The following SPINK7 variants were observed in gnomAD, a reference collection of about 807,000 sequenced individuals.
SPINK7 encodes serine protease inhibitor Kazal-type 7.
In SPINK7, 8 loss-of-function variants were observed where a neutral mutation model predicts 11.6. That is an observed-to-expected ratio of 0.69 (90% CI 0.41 to 1.25). The LOEUF is 1.25. Ranked by LOEUF, SPINK7 falls within the 50% of genes most tolerant of loss-of-function variation. The pLI is 0.01. For synonymous variants in SPINK7, 38 were observed against 35.3 expected (o/e 1.08, Z -0.27); for missense variants, 113 against 99.3 (o/e 1.14, Z -0.58).
At chr5:148,314,898 G>A (rs986424671) in intron 3 of SPINK7, among the ~76,000 whole-genome samples, 4 of 152,064 alleles carry the variant, frequency 2.6e-5, no homozygotes, top group African/African-American at 7.2e-5. Flanking sequence ...AGAATACCAC[G>A]GACATGTTTT....
chr5:148,315,603 G>A, intron 3 of SPINK7, 36 bp from the exon 4 acceptor site: 1 of 1,415,500 alleles, frequency 7.1e-7, no homozygotes, highest in Admixed American at 1.7e-5. Context: ...ATTTCCTCTT[G>A]TGCTAATGAA....
Position 148,315,741 on chromosome 5 carries a change from C to A in SPINK7, c.*57C>A. 9.3e-7 allele frequency: 1 copy of A among 1,073,846 alleles called. No homozygotes were observed. Among genetic ancestry groups the A allele is most frequent in the Non-Finnish European group, 1.4e-6 (1 of 694,160 alleles). The allele number at this position is 1,073,846 out of a possible 1,614,324, so 66.5% of individuals were successfully genotyped here. The stretch of plus-strand genomic sequence containing the variant: ...TATTCTCATCATCATCTTCATCATC[C>A]CAGGCTCTGACTGAGTTTCTTTCAG... On this transcript the variant is annotated 3_prime_UTR_variant, in exon 4 of 4. Coordinates refer to ENST00000274565, the MANE Select transcript of SPINK7 (RefSeq NM_032566.3).
rs1756897885 is a variant in SPINK7 at position 148,314,132 on chromosome 5, G to C, written c.120G>C (p.Val40=). The C allele has an allele frequency of 2.5e-6, 4 of 1,613,760 alleles. No individual in the cohort carries two copies. The highest frequency in any genetic ancestry group is 3.4e-6 in the Non-Finnish European group (4 of 1,179,788). Residue 40 remains valine, a synonymous_variant, in exon 3 of 4, where the codon GTG becomes GTC. Coordinates refer to ENST00000274565, the MANE Select transcript of SPINK7 (RefSeq NM_032566.3). ...VDCSIYKKYP[V]VAIPCPITYL... is the part of the protein sequence containing the mutation. ...GCAGCATTTACAAGAAGTATCCAGTGGTGGCCATCCCCTGCCCCATCACAT... is the reference window on the plus strand; with the variant it reads ...GCAGCATTTACAAGAAGTATCCAGTCGTGGCCATCCCCTGCCCCATCACAT...
At chr5:148,314,695 CCTGA>C (rs1395144819) in intron 3 of SPINK7, among the ~76,000 whole-genome samples, 1 of 152,024 alleles carries the variant, frequency 6.6e-6, no homozygotes, top group Non-Finnish European at 1.5e-5. Context: ...TACTACACTA[CCTGA>C]CTTAGATTCT....
At chr5:148,313,725 C>T (rs1171229396) in intron 2 of SPINK7, 1 of 406,646 alleles carries the variant, frequency 2.5e-6, no homozygotes, top group Non-Finnish European at 4.4e-6. Context: ...AGATTCAAAT[C>T]CTAACTCTAC....
At position 148,314,154 on chromosome 5, in the gene SPINK7, A is replaced by T. The variant is rs781123332; in HGVS notation, c.142A>T (p.Thr48Ser). 6.2e-7 allele frequency: 1 copy of T among 1,613,856 alleles called. No individual in the cohort carries two copies. The highest frequency in any genetic ancestry group is 1.1e-5 in the South Asian group (1 of 91,080). The change falls in exon 3 of 4, where the codon ACA (threonine) becomes TCA (serine). Residue 48 changes from threonine (T) to serine (S), a missense_variant. Thr to Ser is a moderately conservative substitution (Grantham distance 58). Coordinates refer to ENST00000274565, the MANE Select transcript of SPINK7 (RefSeq NM_032566.3). Reference sequence around the variant, plus strand: ...AGTGGTGGCCATCCCCTGCCCCATCACATACCTACCAGTTTGTGGTTCTGA... The same window carrying T: ...AGTGGTGGCCATCCCCTGCCCCATCTCATACCTACCAGTTTGTGGTTCTGA... ...YPVVAIPCPI[T>S]YLPVCGSDYI...
chr5:148,314,164 C>T lies in SPINK7; in HGVS notation c.152C>T (p.Pro51Leu). The T allele has an allele frequency of 6.2e-7, 1 of 1,613,548 alleles. No individual in the cohort carries two copies. The highest frequency in any genetic ancestry group is 8.5e-7 in the Non-Finnish European group (1 of 1,179,582). The change falls in exon 3 of 4, where the codon CCA (proline) becomes CTA (leucine). Residue 51 changes from proline to leucine, a missense_variant. Physicochemically the swap from Pro to Leu is moderately conservative, Grantham distance 98. Coordinates refer to ENST00000274565, the MANE Select transcript of SPINK7 (RefSeq NM_032566.3). The part of the protein sequence containing the change: ...VAIPCPITYL[P>L]VCGSDYITYG... ...ATCCCCTGCCCCATCACATACCTAC[C>T]AGTTTGTGGTTCTGACTACATCACC...
chr5:148,314,317 A>C, intron 3 of SPINK7, 93 bp downstream of exon 3: 1 of 1,400,610 alleles, frequency 7.1e-7, no homozygotes, highest in South Asian at 1.3e-5. Context: ...AATCTCTATA[A>C]GCTGTAATTT....
chr5:148,315,644 G>A lies in SPINK7; in HGVS notation c.218G>A (p.Ser73Asn). 1 of 1,598,444 alleles carries A rather than the reference G, an allele frequency of 6.3e-7. No homozygotes were observed. Among genetic ancestry groups the A allele is most frequent in the Non-Finnish European group, 8.6e-7 (1 of 1,166,280 alleles). The change falls in exon 4 of 4, where the codon AGT becomes AAT. Residue 73 changes from serine to asparagine, a missense_variant. Transcript: ENST00000274565. ...TGAACTGTGTCTTCCCTTAGGAAAA[G>A]TAATGGAAGAGTTCAGTTTCTTCAC... ...ECHLCTESLK[S>N]NGRVQFLHDG...
At chr5:148,314,679 G>A (rs899106509) in intron 3 of SPINK7, among the ~76,000 whole-genome samples, 3 of 151,840 alleles carry the variant, frequency 2.0e-5, no homozygotes, top group East Asian at 1.9e-4. Context: ...TAAAATAATT[G>A]AAAACTACTA....
Position 148,313,414 on chromosome 5 carries a change from T to C in SPINK7, c.87+15T>C. The C allele has an allele frequency of 6.4e-7, 1 of 1,574,604 alleles. No individual in the cohort carries two copies. The highest frequency in any genetic ancestry group is 1.1e-5 in the South Asian group (1 of 89,162). ...CTCCAAAAAAAGTAAGTATGTTGAA[T>C]AACATTTTAATGTCAATAACTATTG... On this transcript the variant is annotated intron_variant, in intron 2 of 3. Coordinates refer to ENST00000274565, the MANE Select transcript of SPINK7 (RefSeq NM_032566.3).
chr5:148,315,542 GGT>G (rs1561761572), intron 3 of SPINK7, 95 bp from the exon 4 acceptor site: 1 of 646,970 alleles, frequency 1.5e-6, no homozygotes, highest in East Asian at 2.6e-5. Context: ...TGTAAAATGA[GGT>G]GCTGCCTCAT....
chr5:148,315,517 C>A, intron 3 of SPINK7, 122 bp from the exon 4 acceptor site: 1 of 566,030 alleles, frequency 1.8e-6, no homozygotes, highest in Non-Finnish European at 3.2e-6. Flanking sequence ...TTTTCTGAGA[C>A]TCAGTTTCCT....
chr5:148,313,492 A>G, intron 2 of SPINK7, 93 bp downstream of exon 2: 1 of 867,108 alleles, frequency 1.2e-6, no homozygotes, highest in Non-Finnish European at 1.8e-6. Context: ...GGGGGATTCG[A>G]GAGGGAGGCA....
At position 148,314,236 on chromosome 5, in the gene SPINK7, A is replaced by C. The variant is rs374858460; in HGVS notation, c.212+12A>C. On this transcript the variant is annotated intron_variant, in intron 3 of 3. Transcript: ENST00000274565. ...TGTACCGAGAGCTTGTGAGTACCTC[A>C]TAAGAAGAAAATGAGATCTGGAGTC... 1.2e-6 allele frequency: 2 copies of C among 1,613,354 alleles called. No homozygotes were observed. The highest frequency in any genetic ancestry group is 1.3e-5 in the African/African-American group (1 of 74,866).
rs1231313178 is a variant in SPINK7 at position 148,314,123 on chromosome 5, G to A, written c.111G>A (p.Lys37=). 3.1e-6 allele frequency: 5 copies of A among 1,613,798 alleles called. No individual in the cohort carries two copies. The highest frequency in any genetic ancestry group is 2.2e-5 in the South Asian group (2 of 91,056). ...AGGTGGACTGCAGCATTTACAAGAAGTATCCAGTGGTGGCCATCCCCTGCC... is the reference window on the plus strand; with the variant it reads ...AGGTGGACTGCAGCATTTACAAGAAATATCCAGTGGTGGCCATCCCCTGCC... ...PKKVDCSIYK[K]YPVVAIPCPI... Residue 37 remains lysine (K), a synonymous_variant, in exon 3 of 4, where the codon AAG becomes AAA. Coordinates refer to ENST00000274565, the MANE Select transcript of SPINK7 (RefSeq NM_032566.3).
rs1032398855 is a variant in SPINK7 at position 148,313,856 on chromosome 5, C to T, written c.88-244C>T. The T allele has an allele frequency of 9.7e-6, 5 of 517,872 alleles. No individual in the cohort carries two copies. The Admixed American group carries it at 1.1e-4, about 11-fold the overall frequency. 32.1% of individuals were successfully genotyped at this position (517,872 alleles called of 1,614,324 possible). A position where few individuals can be genotyped will look rare whatever the true frequency, so the allele number is the denominator to read the frequency against. ...GTTCTGAAGATTAAACAAGAAAATT[C>T]ATGCAAGATTTAAGTTTAACGCCTA... On this transcript the variant is annotated intron_variant, in intron 2 of 3. Coordinates refer to ENST00000274565, the MANE Select transcript of SPINK7 (RefSeq NM_032566.3).
At chr5:148,315,422 G>C (rs183464078) in intron 3 of SPINK7, among the ~76,000 whole-genome samples, 1 of 152,234 alleles carries the variant, frequency 6.6e-6, no homozygotes, top group African/African-American at 2.4e-5. Flanking sequence ...GGAATCAGAG[G>C]AGGCAGCAGA....
Position 148,314,160 on chromosome 5 carries a change from C to T in SPINK7, c.148C>T (p.Leu50=). 6.2e-7 allele frequency: 1 copy of T among 1,613,608 alleles called. No homozygotes were observed. Among genetic ancestry groups the T allele is most frequent in the Non-Finnish European group, 8.5e-7 (1 of 1,179,616 alleles). Residue 50 remains leucine, a synonymous_variant, in exon 3 of 4, where the codon CTA becomes TTA. Transcript: ENST00000274565. ...VVAIPCPITY[L]PVCGSDYITY... ...GGCCATCCCCTGCCCCATCACATAC[C>T]TACCAGTTTGTGGTTCTGACTACAT...
Sources: allele counts gnomAD v4.1 joint callset (sites outside exome capture counted in the v4.1 genomes callset), GRCh38; gene constraint gnomAD v4.1.1; transcripts MANE v1.5; gene names NCBI Gene and HGNC (gene_info 2026-07-23, HGNC 2026-07-21).